The following ANXA8 variants were observed in gnomAD, a reference collection of about 807,000 sequenced individuals.
ANXA8 encodes annexin A8.
In ANXA8, 9 loss-of-function variants were observed where a neutral mutation model predicts 26.8. The ratio of observed to expected loss-of-function variants is 0.34; its 90% CI spans 0.20 to 0.59. ANXA8 has a LOEUF of 0.59. Among genes scored for constraint, ANXA8 ranks in the 20% least tolerant of loss-of-function variants. The probability of loss-of-function intolerance (pLI) is 0.84; values close to 1 mark genes in which losing one functional copy is unlikely to be tolerated. For synonymous variants in ANXA8, 39 were observed against 94.8 expected (o/e 0.41, Z 3.42); for missense variants, 83 against 238.5 (o/e 0.35, Z 4.29).
At chr10:47,975,163 A>C in the ANXA8 span, among the ~76,000 whole-genome samples, 1 of 149,486 alleles carries the variant, frequency 6.7e-6, no homozygotes, top group Admixed American at 6.7e-5. Flanking sequence ...TATTTAGATA[A>C]GGGATAGAAA....
chr10:47,949,031 T>C, the ANXA8 span, among the ~76,000 whole-genome samples: 1 of 133,942 alleles, frequency 7.5e-6, no homozygotes, highest in African/African-American at 3.0e-5. Context: ...GCCTTTGAAC[T>C]GGAAGTACAC....
At chr10:47,670,284 G>C in the ANXA8 span, among the ~76,000 whole-genome samples, 1 of 151,772 alleles carries the variant, frequency 6.6e-6, no homozygotes, top group Non-Finnish European at 1.5e-5. Flanking sequence ...GGTTGTTTCT[G>C]CTTTTTCTGG....
chr10:47,624,242 C>CA, the ANXA8 span, among the ~76,000 whole-genome samples: 12,133 of 29,202 alleles, frequency 0.42, 2,085 homozygotes, highest in South Asian at 0.55. Context: ...GACTCCATCT[C>CA]AAAAAAAAAA....
chr10:47,625,939 C>T, the ANXA8 span, among the ~76,000 whole-genome samples: 25 of 150,798 alleles, frequency 1.7e-4, no homozygotes, highest in Non-Finnish European at 2.5e-4. Context: ...TTTTACTTAT[C>T]TAAACTCTCT....
chr10:47,768,280 T>A, the ANXA8 span, among the ~76,000 whole-genome samples: 3 of 150,810 alleles, frequency 2.0e-5, no homozygotes, highest in South Asian at 6.3e-4. Context: ...CTGACCCACA[T>A]TTTTTTTTTC....
chr10:47,589,022 C>A, the ANXA8 span: 1 of 145,238 alleles, frequency 6.9e-6, no homozygotes, highest in Admixed American at 6.7e-5. Flanking sequence ...TCATGGTGCC[C>A]AGGTTGGTCT....
chr10:47,565,511 CG>C, the ANXA8 span: 1 of 367,958 alleles, frequency 2.7e-6, no homozygotes, highest in East Asian at 5.2e-5. Context: ...GGCGAGGCCC[CG>C]AAGCTCTCTG....
chr10:47,977,639 GA>G, the ANXA8 span, among the ~76,000 whole-genome samples: 29 of 151,196 alleles, frequency 1.9e-4, 1 homozygote, highest in Admixed American at 1.1e-3. Context: ...ATAAAAAAGG[GA>G]AAAAAATAAA....
At chr10:47,646,743 C>T in the ANXA8 span, among the ~76,000 whole-genome samples, 1 of 151,936 alleles carries the variant, frequency 6.6e-6, no homozygotes, top group Non-Finnish European at 1.5e-5. Context: ...CTATGTCCTT[C>T]CCTAAAATAG....
chr10:47,951,626 A>G, the ANXA8 span, among the ~76,000 whole-genome samples: 2 of 150,402 alleles, frequency 1.3e-5, no homozygotes, highest in Admixed American at 6.6e-5. Flanking sequence ...CCTGGGCAAC[A>G]TGGTGAAACC....
At chr10:47,956,901 G>A in the ANXA8 span, among the ~76,000 whole-genome samples, 2 of 150,126 alleles carry the variant, frequency 1.3e-5, no homozygotes, top group African/African-American at 2.5e-5. Context: ...CTTGGTGTTT[G>A]AACTCACCTG....
At chr10:47,572,894 A>C in the ANXA8 span, among the ~76,000 whole-genome samples, 2 of 151,390 alleles carry the variant, frequency 1.3e-5, no homozygotes, top group Admixed American at 1.3e-4. Flanking sequence ...ACATGTATAG[A>C]CTGTTTTTGA....
At chr10:47,549,951 A>C in the ANXA8 span, among the ~76,000 whole-genome samples, 8 of 149,620 alleles carry the variant, frequency 5.3e-5, no homozygotes, top group Non-Finnish European at 1.0e-4. Flanking sequence ...CAAAAACATA[A>C]AAATTAAAAA....
the ANXA8 span, among the ~76,000 whole-genome samples, chr10:47,631,328 A>G: frequency 2.6e-5 from 4 of 151,938 alleles, no homozygotes; most frequent in Non-Finnish European, 5.9e-5. Flanking sequence ...AAGTGTTAGT[A>G]TATCTGGTAA....
the ANXA8 span, among the ~76,000 whole-genome samples, chr10:47,668,290 C>A: frequency 6.7e-6 from 1 of 150,350 alleles, no homozygotes; most frequent in African/African-American, 2.5e-5. Context: ...GATTTTTTTT[C>A]ATGGATGGAG....
the ANXA8 span, among the ~76,000 whole-genome samples, chr10:47,585,218 C>T: frequency 0.58 from 60,607 of 104,860 alleles, 14,994 homozygotes; most frequent in Non-Finnish European, 0.67. Flanking sequence ...GAACCGAGAT[C>T]GCACCACTGC....
the ANXA8 span, among the ~76,000 whole-genome samples, chr10:47,705,953 C>A: frequency 2.0e-5 from 3 of 150,486 alleles, no homozygotes; most frequent in African/African-American, 4.9e-5. Context: ...CGGCGGGCCA[C>A]GGCGCGAAGA....
the ANXA8 span, among the ~76,000 whole-genome samples, chr10:47,666,522 C>T: frequency 1.3e-5 from 2 of 151,896 alleles, no homozygotes; most frequent in Admixed American, 1.3e-4. Context: ...CTGTCAATGT[C>T]ATGCATTTGG....
At chr10:47,505,477 G>T in the ANXA8 span, among the ~76,000 whole-genome samples, 2 of 139,062 alleles carry the variant, frequency 1.4e-5, 1 homozygote. Flanking sequence ...TAAGTGGAAA[G>T]TTAATGAGAA....
Sources: gnomAD v4.1 joint callset for allele counts (sites outside exome capture counted in the v4.1 genomes callset) on GRCh38, gnomAD v4.1.1 for gene constraint, MANE v1.5 for transcripts, NCBI Gene and HGNC (gene_info 2026-07-23, HGNC 2026-07-21) for gene names.